Variants in EGF observed in about 807,000 individuals in gnomAD.
EGF encodes epidermal growth factor.
EGF carries 95 observed loss-of-function variants against 143.8 expected under a neutral mutation model. The ratio of observed to expected loss-of-function variants is 0.66; its 90% CI spans 0.56 to 0.78. EGF has a LOEUF of 0.78. Ranked by LOEUF, EGF falls within the 30% of genes least tolerant of loss-of-function variation. EGF has a pLI of 0.00. For missense variants in EGF, 1,320 were observed against 1,470.9 expected (o/e 0.90, Z 1.68); for synonymous variants, 510 against 510.5 (o/e 1.00, Z 0.01).
In EGF at chr4:109,976,062, C is replaced by T. The variant is rs1748445726; in HGVS notation, c.1880C>T (p.Ser627Phe). The T allele has an allele frequency of 5.6e-6, 9 of 1,613,892 alleles. No homozygotes were observed. Among genetic ancestry groups the T allele is most frequent in the South Asian group, 1.1e-5 (1 of 91,088 alleles). The change falls in exon 13 of 24, where the codon TCC becomes TTC. Residue 627 changes from serine (S) to phenylalanine (F), a missense_variant. This residue lies in a region of EGF where 1,186 missense variants were observed against 1,313.7 expected (regional missense o/e 0.90). Coordinates refer to ENST00000265171, the MANE Select transcript of EGF (RefSeq NM_001963.6). ...ATTAATCCACGAATTGAAAGTTCTT[C>T]CCTCCAAGGCCTTGGCCGTCTGGTT... ...TGINPRIESS[S>F]LQGLGRLVIA...
At chr4:109,987,423 A>T (rs1022518872) in intron 16 of EGF, among the ~76,000 whole-genome samples, 1 of 152,018 alleles carries the variant, frequency 6.6e-6, no homozygotes, top group Admixed American at 6.6e-5. Flanking sequence ...CCCCCCAAGT[A>T]GCTGGGACTA....
chr4:109,934,264 C>T (rs1184817477), intron 1 of EGF, among the ~76,000 whole-genome samples: 1 of 152,076 alleles, frequency 6.6e-6, no homozygotes, highest in East Asian at 1.9e-4. Context: ...TGCCTATCAG[C>T]TTAAGGAGAT....
At chr4:109,967,228 G>T (rs1042422470) in intron 10 of EGF, among the ~76,000 whole-genome samples, 2 of 152,162 alleles carry the variant, frequency 1.3e-5, no homozygotes, top group Non-Finnish European at 2.9e-5. Context: ...TATGGTGAGA[G>T]ATAAGAGTCC....
chr4:109,927,697 C>T (rs1051537671), intron 1 of EGF, among the ~76,000 whole-genome samples: 5 of 144,030 alleles, frequency 3.5e-5, no homozygotes, highest in Non-Finnish European at 6.0e-5. Flanking sequence ...GCACTCCAGC[C>T]TGGGCGACAG....
chr4:109,964,582 A>G, intron 10 of EGF, 45 bp downstream of exon 10: 1 of 1,612,622 alleles, frequency 6.2e-7, no homozygotes, highest in South Asian at 1.1e-5. Flanking sequence ...CTTTAAGGAC[A>G]GAGTAGAGGA....
chr4:109,999,534 C>T (rs1435980550), intron 20 of EGF, 145 bp from the exon 21 acceptor site: 8 of 1,011,614 alleles, frequency 7.9e-6, no homozygotes, highest in East Asian at 7.5e-5. Flanking sequence ...GCGCTTTCAA[C>T]TGACCCCTGA....
intron 20 of EGF, among the ~76,000 whole-genome samples, chr4:109,997,246 T>C (rs981898102): frequency 3.9e-5 from 6 of 152,080 alleles, no homozygotes; most frequent in African/African-American, 1.2e-4. Flanking sequence ...AGCTGATCCA[T>C]CAAGTGCAGG....
At chr4:109,979,561 T>C (rs1263589755) in intron 13 of EGF, among the ~76,000 whole-genome samples, 2 of 152,198 alleles carry the variant, frequency 1.3e-5, no homozygotes, top group African/African-American at 4.8e-5. Context: ...ATCTACCCCT[T>C]ATTACTGCTG....
In EGF at chr4:109,959,321, T is replaced by A; in HGVS notation, c.950T>A (p.Leu317His). The change falls in exon 6 of 24, where the codon CTT (leucine) becomes CAT (histidine). Residue 317 changes from leucine to histidine, a missense_variant. By Grantham distance (99) the Leu-to-His change is moderately conservative. Around this residue, in one of 5 missense-constraint regions of EGF, gnomAD observed 1,186 missense variants for 1,313.7 expected, o/e 0.90. Transcript: ENST00000265171. Reference sequence around the variant, plus strand: ...GCATCTTCTCTTTTAGAGCAGAAACTTTGCAAATTGAGGAAAGGAAACTGC... The same window carrying A: ...GCATCTTCTCTTTTAGAGCAGAAACATTGCAAATTGAGGAAAGGAAACTGC... ...EDDTWEPEQK[L>H]CKLRKGNCSS... 5 of 1,613,796 alleles carry A rather than the reference T, an allele frequency of 3.1e-6. No homozygotes were observed. Among genetic ancestry groups the A allele is most frequent in the Non-Finnish European group, 4.2e-6 (5 of 1,179,872 alleles).
rs7680062 is a variant in EGF, at chr4:109,944,390, T to G, written c.737+321T>G. 0.38 allele frequency among the ~76,000 whole-genome samples: 58,436 copies of G among 151,838 alleles called. 11,616 individuals carry two copies. The highest frequency in any genetic ancestry group is 0.5 in the East Asian group (2,578 of 5,154). On this transcript the variant is annotated intron_variant, in intron 4 of 23. Transcript: ENST00000265171. ...GGAGGCGGAGCTTGCAGTGAGCCGA[T>G]ATCGTGCCACTGCACTCCAGCCTGG... is the stretch of plus-strand genomic sequence containing the variant.
intron 11 of EGF, among the ~76,000 whole-genome samples, chr4:109,969,412 A>G (rs1001737657): frequency 6.6e-6 from 1 of 152,188 alleles, no homozygotes. Flanking sequence ...ATGAGAACAC[A>G]TGGACAGAGG....
In EGF at chr4:109,940,952, C is replaced by T. The variant is rs558295228; in HGVS notation, c.134C>T (p.Ala45Val). The T allele has an allele frequency of 6.8e-6, 11 of 1,614,042 alleles. No individual in the cohort carries two copies. The Admixed American group carries it at 1.2e-4, about 17-fold the overall frequency. Residue 45 changes from alanine to valine, a missense_variant, in exon 2 of 24, where the codon GCA becomes GTA. Transcript: ENST00000265171. Reference sequence around the variant, plus strand: ...TCTCTTTCTTCCCACCCAGGTCCTGCACCCTTCTTAATTTTCTCCCATGGA... The same window carrying T: ...TCTCTTTCTTCCCACCCAGGTCCTGTACCCTTCTTAATTTTCTCCCATGGA... ...GNGNSTCVGP[A>V]PFLIFSHGNS... is the part of the protein sequence containing the mutation.
At chr4:109,954,622 A>G (rs1744501025) in intron 5 of EGF, among the ~76,000 whole-genome samples, 1 of 152,220 alleles carries the variant, frequency 6.6e-6, no homozygotes, top group South Asian at 2.1e-4. Flanking sequence ...AGAACTCATT[A>G]ATGATGAAGA....
chr4:109,980,794 C>A, intron 14 of EGF, 32 bp from the exon 15 acceptor site: 1 of 1,613,666 alleles, frequency 6.2e-7, no homozygotes. Context: ...ATCTTCAAAC[C>A]CACTTGTGAA....
chr4:109,921,910 A>G (rs1364502471), intron 1 of EGF, among the ~76,000 whole-genome samples: 3 of 151,656 alleles, frequency 2.0e-5, no homozygotes, highest in Non-Finnish European at 4.4e-5. Context: ...GAACATTGTC[A>G]TAATACATGC....
chr4:109,980,885 G>A lies in EGF; in HGVS notation c.2281G>A (p.Gly761Arg), dbSNP rs1749255936. The change falls in exon 15 of 24, where the codon GGA becomes AGA. Residue 761 changes from glycine (G) to arginine (R), a missense_variant. By Grantham distance (125) the Gly-to-Arg change is moderately radical. Coordinates refer to ENST00000265171, the MANE Select transcript of EGF (RefSeq NM_001963.6). ...TGAACATATTTGCAAAAAGAGGCTT[G>A]GAACTGCTTGGTGTTCGTGTCGTGA... ...GCEHICKKRLGTAWCSCREGF... is the reference protein window; with the variant it reads ...GCEHICKKRLRTAWCSCREGF... 1.9e-6 allele frequency: 3 copies of A among 1,614,088 alleles called. No individual in the cohort carries two copies. The highest frequency in any genetic ancestry group is 2.5e-6 in the Non-Finnish European group (3 of 1,179,974).
intron 5 of EGF, among the ~76,000 whole-genome samples, chr4:109,949,127 C>T (rs1014202006): frequency 2.0e-5 from 3 of 152,084 alleles, no homozygotes; most frequent in Admixed American, 6.5e-5. Flanking sequence ...AGTGCAGTGG[C>T]GTAATCTCAG....
chr4:109,940,310 A>C (rs1741691095), intron 1 of EGF, among the ~76,000 whole-genome samples: 1 of 152,140 alleles, frequency 6.6e-6, no homozygotes, highest in Non-Finnish European at 1.5e-5. Context: ...ATAGAGAACA[A>C]ATTTTTAGTG....
chr4:110,007,635 T>A (rs1347377204), intron 22 of EGF, among the ~76,000 whole-genome samples: 1 of 152,224 alleles, frequency 6.6e-6, no homozygotes, highest in East Asian at 1.9e-4. Flanking sequence ...TCTAGGTCCC[T>A]AGGCTGTTCA....
Sources: gnomAD v4.1 joint callset for allele counts (sites outside exome capture counted in the v4.1 genomes callset) on GRCh38, gnomAD v4.1.1 for gene constraint, gnomAD v4.1.1 regional missense constraint, MANE v1.5 for transcripts, NCBI Gene and HGNC (gene_info 2026-07-23, HGNC 2026-07-21) for gene names.